XKR4: variants seen among roughly 807,000 people sequenced by gnomAD.
XKR4 encodes the protein XK-related protein 4.
In XKR4, 12 loss-of-function variants were observed where a neutral mutation model predicts 53.9. That is an observed-to-expected ratio of 0.22 (90% CI 0.14 to 0.36). The LOEUF (loss-of-function observed/expected upper bound fraction) is 0.36, where lower values mean the gene tolerates loss of function less well. XKR4 is among the 10% of genes least tolerant of loss of function. The pLI, the probability that XKR4 is intolerant of heterozygous loss-of-function variation, is 1.00. For missense variants in XKR4, 799 were observed against 859.5 expected (o/e 0.93, Z 0.88); for synonymous variants, 354 against 362.4 (o/e 0.98, Z 0.26).
chr8:55,330,508 A>T (rs1022833224), intron 1 of XKR4, among the ~76,000 whole-genome samples: 5 of 149,720 alleles, frequency 3.3e-5, no homozygotes, highest in Admixed American at 6.6e-5. Context: ...CTGTTTTATT[A>T]AAAAAAAATA....
chr8:55,454,623 G>T, intron 2 of XKR4: 2 of 1,244,700 alleles, frequency 1.6e-6, no homozygotes, highest in Non-Finnish European at 2.3e-6. Context: ...TCCTCTACTA[G>T]CCCCCAGCCA....
chr8:55,128,044 T>A (rs1816498186), intron 1 of XKR4, among the ~76,000 whole-genome samples: 1 of 152,124 alleles, frequency 6.6e-6, no homozygotes, highest in South Asian at 2.1e-4. Flanking sequence ...TACACATACG[T>A]GTGCATGTGT....
In XKR4 at chr8:55,528,384, T is replaced by A. The variant is rs557311564; in HGVS notation, c.*4157T>A. 2.6e-5 allele frequency: 4 copies of A among 152,380 alleles called. No homozygotes were observed. The South Asian group carries it at 6.2e-4, about 24-fold the overall frequency. 9.4% of individuals were successfully genotyped at this position (152,380 alleles called of 1,614,324 possible). On this transcript the variant is annotated 3_prime_UTR_variant, in exon 3 of 3. Transcript: ENST00000327381. ...CTCTTCTGTCCTTACCAGGATTGTG[T>A]AAGGTTACACATTTGCTTTTAAATA...
intron 2 of XKR4, among the ~76,000 whole-genome samples, chr8:55,476,317 T>C (rs969090726): frequency 1.3e-5 from 2 of 152,032 alleles, no homozygotes; most frequent in South Asian, 4.2e-4. Flanking sequence ...AAGCAGTACC[T>C]GGGAAGGGAT....
At chr8:55,453,050 C>A in intron 2 of XKR4, 1 of 609,040 alleles carries the variant, frequency 1.6e-6, no homozygotes, top group Non-Finnish European at 3.2e-6. Flanking sequence ...GGTGCCTCCC[C>A]AACCTCCTGG....
At chr8:55,441,085 T>G (rs1805257379) in intron 2 of XKR4, among the ~76,000 whole-genome samples, 2 of 148,960 alleles carry the variant, frequency 1.3e-5, no homozygotes, top group Admixed American at 6.7e-5. Context: ...AAAAAAATGT[T>G]TAAAATTAGC....
intron 2 of XKR4, among the ~76,000 whole-genome samples, chr8:55,443,126 T>A (rs1052691995): frequency 2.0e-4 from 30 of 152,152 alleles, no homozygotes; most frequent in Admixed American, 1.9e-3. Flanking sequence ...AACTAATTTA[T>A]CATGCTAGTA....
At chr8:55,450,385 G>T in intron 2 of XKR4, 1 of 619,536 alleles carries the variant, frequency 1.6e-6, no homozygotes, top group South Asian at 1.9e-5. Flanking sequence ...TGTGTCCTCG[G>T]GTGCATTCAT....
At chr8:55,236,906 T>C (rs1050519092) in intron 1 of XKR4, among the ~76,000 whole-genome samples, 2 of 152,218 alleles carry the variant, frequency 1.3e-5, no homozygotes. Context: ...GTGTTTTCAG[T>C]CACTATTCCT....
In XKR4 at chr8:55,473,467, A is replaced by T. The variant is rs150491874; in HGVS notation, c.1007-49814A>T. ...ATAAGTAGAATGTCAAGATAACTTG[A>T]TAAAGTAACATAGATATTCAGCTGC... On this transcript the variant is annotated intron_variant, in intron 2 of 2. Transcript: ENST00000327381. Among the ~76,000 whole-genome samples the T allele has an allele frequency of 1.6e-3, 237 of 152,298 alleles. 1 individual carries two copies. The highest frequency in any genetic ancestry group is 2.9e-3 in the Non-Finnish European group (198 of 68,026).
At chr8:55,312,508 A>T (rs981656904) in intron 1 of XKR4, among the ~76,000 whole-genome samples, 1 of 152,180 alleles carries the variant, frequency 6.6e-6, no homozygotes, top group African/African-American at 2.4e-5. Context: ...TTATCCTGGG[A>T]TCCCAATTTA....
intron 1 of XKR4, among the ~76,000 whole-genome samples, chr8:55,268,146 T>A (rs138898177): frequency 0.012 from 1,793 of 152,272 alleles, 23 homozygotes; most frequent in Middle Eastern, 0.065. Context: ...CCAAGTCTAT[T>A]GATTTTGCCA....
chr8:55,113,993 A>T (rs1816270976), intron 1 of XKR4, among the ~76,000 whole-genome samples: 1 of 152,066 alleles, frequency 6.6e-6, no homozygotes, highest in African/African-American at 2.4e-5. Flanking sequence ...ATTTAGGTTG[A>T]TTCTATACCT....
At chr8:55,481,227 C>T (rs1806098498) in intron 2 of XKR4, among the ~76,000 whole-genome samples, 1 of 152,124 alleles carries the variant, frequency 6.6e-6, no homozygotes, top group African/African-American at 2.4e-5. Context: ...GAACAGAGCC[C>T]TTAGAAATAA....
intron 2 of XKR4, among the ~76,000 whole-genome samples, chr8:55,362,112 C>T (rs1033019371): frequency 2.0e-5 from 3 of 152,064 alleles, no homozygotes; most frequent in Non-Finnish European, 2.9e-5. Flanking sequence ...ACAAAGGATT[C>T]GGCAGACCCT....
rs548427373 is a variant in XKR4 at position 55,499,263 on chromosome 8, CATT to C, written c.1007-24015_1007-24013del. 1.4e-4 allele frequency among the ~76,000 whole-genome samples: 22 copies of C among 152,260 alleles called. No homozygotes were observed. In the South Asian group the frequency reaches 4.2e-3, roughly 29 times the overall value. ...ACTATGAAATTTGACATTAAGGTGACATTATCATTATTTTAAATGCCTGGAGCA... is the reference window on the plus strand; with the variant it reads ...ACTATGAAATTTGACATTAAGGTGACATCATTATTTTAAATGCCTGGAGCA... On this transcript the variant is annotated intron_variant, in intron 2 of 2. Coordinates refer to ENST00000327381, the MANE Select transcript of XKR4 (RefSeq NM_052898.2).
chr8:55,466,409 C>G (rs1351992614), intron 2 of XKR4, among the ~76,000 whole-genome samples: 1 of 151,892 alleles, frequency 6.6e-6, no homozygotes, highest in African/African-American at 2.4e-5. Context: ...ACCTCGTGTT[C>G]TCACTCATAG....
At chr8:55,364,417 G>T (rs1803944308) in intron 2 of XKR4, among the ~76,000 whole-genome samples, 2 of 152,150 alleles carry the variant, frequency 1.3e-5, no homozygotes, top group South Asian at 4.1e-4. Context: ...CTCAGGCCAC[G>T]CCCTGCTCCT....
chr8:55,237,614 G>T (rs1368389243), intron 1 of XKR4, among the ~76,000 whole-genome samples: 1 of 152,180 alleles, frequency 6.6e-6, no homozygotes, highest in African/African-American at 2.4e-5. Flanking sequence ...GTTGTTCAAG[G>T]ATCAACTTCT....
Sources: gnomAD v4.1 joint callset for allele counts (sites outside exome capture counted in the v4.1 genomes callset) on GRCh38, gnomAD v4.1.1 for gene constraint, MANE v1.5 for transcripts, NCBI Gene and HGNC (gene_info 2026-07-23, HGNC 2026-07-21) for gene names.